The following PRELID2 variants were observed in gnomAD, a reference collection of about 807,000 sequenced individuals.
The protein encoded by PRELID2 is PRELI domain-containing protein 2.
A neutral mutation model predicts 28.4 loss-of-function variants in PRELID2; 25 were observed. The ratio of observed to expected loss-of-function variants is 0.88; its 90% CI spans 0.64 to 1.23. The LOEUF is 1.23. Ranked by LOEUF, PRELID2 falls within the 50% of genes most tolerant of loss-of-function variation. The probability of loss-of-function intolerance (pLI) is 0.00; values close to 1 mark genes in which losing one functional copy is unlikely to be tolerated. For missense variants in PRELID2, 201 were observed against 214.4 expected (o/e 0.94, Z 0.39); for synonymous variants, 76 against 71.6 (o/e 1.06, Z -0.31).
At chr5:145,714,360 C>T (rs1755786379) in intron 1 of PRELID2, among the ~76,000 whole-genome samples, 1 of 152,142 alleles carries the variant, frequency 6.6e-6, no homozygotes, top group Non-Finnish European at 1.5e-5. Context: ...CCCCATGGGA[C>T]TTCAAGGGAA....
chr5:145,269,647 C>T, the PRELID2 span, among the ~76,000 whole-genome samples: 1 of 151,252 alleles, frequency 6.6e-6, no homozygotes, highest in African/African-American at 2.4e-5. Context: ...ATCTACCAAA[C>T]TTTAAAACTT....
intron 1 of PRELID2, among the ~76,000 whole-genome samples, chr5:145,548,939 C>T (rs540302888): frequency 2.0e-5 from 3 of 151,836 alleles, no homozygotes. Flanking sequence ...GTACCCACCA[C>T]CTCAAGTTCC....
intron 1 of PRELID2, among the ~76,000 whole-genome samples, chr5:145,615,486 C>T (rs1214734918): frequency 7.0e-6 from 1 of 143,590 alleles, no homozygotes; most frequent in Non-Finnish European, 1.5e-5. Context: ...GCCACCTCGC[C>T]CGGCTAATTT....
At chr5:145,487,631 T>C (rs1463006364) in intron 1 of PRELID2, among the ~76,000 whole-genome samples, 1 of 152,084 alleles carries the variant, frequency 6.6e-6, no homozygotes, top group Non-Finnish European at 1.5e-5. Flanking sequence ...TCTTCTAATT[T>C]CCCTTCACAT....
chr5:145,449,618 T>G, the PRELID2 span, among the ~76,000 whole-genome samples: 1 of 152,088 alleles, frequency 6.6e-6, no homozygotes, highest in African/African-American at 2.4e-5. Flanking sequence ...GACCACAGGT[T>G]TCCAGCCTTG....
intron 1 of PRELID2, among the ~76,000 whole-genome samples, chr5:145,825,793 C>G (rs1255696066): frequency 6.6e-6 from 1 of 152,124 alleles, no homozygotes; most frequent in Non-Finnish European, 1.5e-5. Flanking sequence ...AGCTAACTAC[C>G]ATACTATGAA....
At chr5:145,554,561 G>C (rs1334022519) in intron 1 of PRELID2, among the ~76,000 whole-genome samples, 2 of 152,190 alleles carry the variant, frequency 1.3e-5, no homozygotes, top group African/African-American at 2.4e-5. Flanking sequence ...AGAGCTGGTT[G>C]GCAACTCTCC....
At chr5:145,230,834 A>G in the PRELID2 span, among the ~76,000 whole-genome samples, 1 of 152,142 alleles carries the variant, frequency 6.6e-6, no homozygotes, top group Non-Finnish European at 1.5e-5. Flanking sequence ...TGTAAAATCC[A>G]TTTCCATGAT....
chr5:145,544,063 G>C (rs1035191689), intron 1 of PRELID2, among the ~76,000 whole-genome samples: 12 of 152,154 alleles, frequency 7.9e-5, no homozygotes, highest in African/African-American at 2.6e-4. Flanking sequence ...ATAGGACAGA[G>C]TGAAGCAGAA....
chr5:145,470,645 G>A (rs1242739986), downstream of PRELID2, among the ~76,000 whole-genome samples: 3 of 152,060 alleles, frequency 2.0e-5, no homozygotes, highest in Non-Finnish European at 4.4e-5. Flanking sequence ...GTTATAAGCT[G>A]GGTCATGTGA....
intron 1 of PRELID2, among the ~76,000 whole-genome samples, chr5:145,498,766 A>G (rs528061155): frequency 6.6e-6 from 1 of 152,026 alleles, no homozygotes; most frequent in African/African-American, 2.4e-5. Context: ...CATGTTGGCC[A>G]AACTCCTGAC....
chr5:145,461,127 G>A, the PRELID2 span, among the ~76,000 whole-genome samples: 1 of 152,120 alleles, frequency 6.6e-6, no homozygotes, highest in Non-Finnish European at 1.5e-5. Context: ...TGTGAAGGAT[G>A]AAAAATCAAT....
chr5:145,372,601 T>C, the PRELID2 span, among the ~76,000 whole-genome samples: 1 of 151,962 alleles, frequency 6.6e-6, no homozygotes, highest in Non-Finnish European at 1.5e-5. Flanking sequence ...CATTGTGTAA[T>C]GCCCTTCTTT....
chr5:145,726,619 G>A (rs1756174921), intron 1 of PRELID2, among the ~76,000 whole-genome samples: 1 of 152,208 alleles, frequency 6.6e-6, no homozygotes, highest in Non-Finnish European at 1.5e-5. Flanking sequence ...ACCAGGATCA[G>A]GAAGTTGGAG....
chr5:145,415,779 C>A, the PRELID2 span, among the ~76,000 whole-genome samples: 5 of 151,924 alleles, frequency 3.3e-5, no homozygotes, highest in African/African-American at 1.2e-4. Context: ...GATTTATAGT[C>A]CTTTGGGTAT....
intron 1 of PRELID2, among the ~76,000 whole-genome samples, chr5:145,553,114 C>T (rs1360048743): frequency 1.3e-5 from 2 of 151,138 alleles, no homozygotes; most frequent in African/African-American, 4.9e-5. Context: ...AGCAGAGACA[C>T]ATCATGAAGC....
intron 1 of PRELID2, among the ~76,000 whole-genome samples, chr5:145,531,339 G>A (rs7445995): frequency 6.6e-6 from 1 of 152,138 alleles, no homozygotes; most frequent in Non-Finnish European, 1.5e-5. Flanking sequence ...TCCCCTAAAA[G>A]AGACTGTTTT....
chr5:145,447,205 T>C, the PRELID2 span, among the ~76,000 whole-genome samples: 5 of 151,900 alleles, frequency 3.3e-5, no homozygotes, highest in African/African-American at 7.2e-5. Context: ...TCTGTCTTCA[T>C]TGAGTTTTCA....
chr5:145,348,739 G>GAC, the PRELID2 span, among the ~76,000 whole-genome samples: 1 of 150,996 alleles, frequency 6.6e-6, no homozygotes, highest in Non-Finnish European at 1.5e-5. Flanking sequence ...GTTCTAATTT[G>GAC]TTCATGCATT....
Sources: allele counts gnomAD v4.1 joint callset (sites outside exome capture counted in the v4.1 genomes callset), GRCh38; gene constraint gnomAD v4.1.1; transcripts MANE v1.5; gene names NCBI Gene and HGNC (gene_info 2026-07-23, HGNC 2026-07-21).